The following PCDHGB2 variants were observed in gnomAD, a reference collection of about 807,000 sequenced individuals.
The protein encoded by PCDHGB2 is protocadherin gamma-B2.
In PCDHGB2, 55 loss-of-function variants were observed where a neutral mutation model predicts 59.3. The ratio of observed to expected loss-of-function variants is 0.93; its 90% CI spans 0.75 to 1.16. The LOEUF (loss-of-function observed/expected upper bound fraction) is 1.16. PCDHGB2 is among the 50% of genes most tolerant of loss of function. The probability of loss-of-function intolerance (pLI) is 0.00; values close to 1 mark genes in which losing one functional copy is unlikely to be tolerated. For missense variants in PCDHGB2, 1,228 were observed against 1,198.5 expected (o/e 1.02, Z -0.36); for synonymous variants, 516 against 512.0 (o/e 1.01, Z -0.11).
intron 1 of PCDHGB2, chr5:141,399,778 C>A (rs187080333): frequency 6.2e-7 from 1 of 1,613,250 alleles, no homozygotes; most frequent in African/African-American, 1.3e-5. Context: ...GGTGGGCGAC[C>A]GAAACGACAA....
At chr5:141,371,581 A>G (rs764497164) in intron 1 of PCDHGB2, 3 of 1,613,936 alleles carry the variant, frequency 1.9e-6, no homozygotes, top group East Asian at 2.2e-5. Context: ...AAAATCGTTC[A>G]AGATACCAAA....
rs1032345173 is a variant in PCDHGB2 at position 141,468,852 on chromosome 5, C to T, written c.2422-25955C>T. Among the ~76,000 whole-genome samples the T allele has an allele frequency of 7.2e-5, 11 of 151,868 alleles. No individual in the cohort carries two copies. In the East Asian group the frequency reaches 9.7e-4, roughly 13 times the overall value. On this transcript the variant is annotated intron_variant, in intron 1 of 3. Transcript: ENST00000522605. ...CTGCACTCCAGCCTGGGCAACAGAG[C>T]GAGACTCCATCTCAAAAATAATAAT... is the stretch of plus-strand genomic sequence containing the variant.
intron 1 of PCDHGB2, chr5:141,382,631 T>G: frequency 2.7e-6 from 1 of 365,186 alleles, no homozygotes; most frequent in South Asian, 9.0e-5. Flanking sequence ...TGTGCATCAA[T>G]GTGGTGCAGT....
chr5:141,446,532 A>G (rs1443843436), intron 1 of PCDHGB2, among the ~76,000 whole-genome samples: 1 of 151,788 alleles, frequency 6.6e-6, no homozygotes, highest in Non-Finnish European at 1.5e-5. Flanking sequence ...GCTGGAGTGC[A>G]GTGGCCCTAT....
In PCDHGB2 at chr5:141,402,356, T is replaced by C. The variant is rs183915738; in HGVS notation, c.2421+39800T>C. Among the ~76,000 whole-genome samples, 46 of 152,098 alleles carry C rather than the reference T, an allele frequency of 3.0e-4. 1 individual carries two copies. Among genetic ancestry groups the C allele is most frequent in the African/African-American group, 1.0e-3 (43 of 41,550 alleles). On this transcript the variant is annotated intron_variant, in intron 1 of 3. Coordinates refer to ENST00000522605, the MANE Select transcript of PCDHGB2 (RefSeq NM_018923.3). ...TATAGGTATAAAAATTAAAAATGAA[T>C]GTACTTCCAAACAAGATTGCACATA...
At chr5:141,385,964 C>T (rs1037246180) in intron 1 of PCDHGB2, 2 of 152,126 alleles carry the variant, frequency 1.3e-5, no homozygotes, top group South Asian at 2.1e-4. Context: ...TAAAGGCCAT[C>T]GGACAAAACC....
intron 1 of PCDHGB2, chr5:141,385,668 C>G (rs2090319612): frequency 2.3e-6 from 1 of 428,688 alleles, no homozygotes; most frequent in African/African-American, 2.1e-5. Flanking sequence ...AGGAATAAAA[C>G]ACACCTCAGC....
chr5:141,371,352 G>C lies in PCDHGB2; in HGVS notation c.2421+8796G>C, dbSNP rs1005607515. ...GAGAGATAGCTACACAATTGGGGTG[G>C]AAGCAAAGGATGGTGGACATCACAC... On this transcript the variant is annotated intron_variant, in intron 1 of 3. Coordinates refer to ENST00000522605, the MANE Select transcript of PCDHGB2 (RefSeq NM_018923.3). 1.9e-6 allele frequency: 3 copies of C among 1,613,840 alleles called. No individual in the cohort carries two copies. In the African/African-American group the frequency reaches 4.0e-5, roughly 22 times the overall value.
chr5:141,497,240 GA>G (rs1221446648), intron 2 of PCDHGB2, among the ~76,000 whole-genome samples: 125 of 152,188 alleles, frequency 8.2e-4, no homozygotes, highest in African/African-American at 3.0e-3. Flanking sequence ...AGGCTTCTAG[GA>G]GGAGGTGACA....
At chr5:141,371,504 AAC>A (rs780003626) in intron 1 of PCDHGB2, 7 of 1,613,916 alleles carry the variant, frequency 4.3e-6, no homozygotes, top group Non-Finnish European at 5.9e-6. Context: ...CCCTGATCAA[AAC>A]ACATGATCTA....
intron 1 of PCDHGB2, chr5:141,413,430 C>T (rs745782366): frequency 6.2e-7 from 1 of 1,614,078 alleles, no homozygotes; most frequent in Admixed American, 1.7e-5. Context: ...ACCCGCGCAG[C>T]GGCAGCTTGA....
Position 141,511,159 on chromosome 5 carries a change from AAGG to A in PCDHGB2, c.2785_2787del (p.Glu929del), listed in dbSNP as rs1477173987. 3 of 1,614,186 alleles carry A rather than the reference AAGG, an allele frequency of 1.9e-6. No individual in the cohort carries two copies. The highest frequency in any genetic ancestry group is 2.2e-5 in the East Asian group (1 of 44,872). On this transcript the variant is annotated inframe_deletion, in exon 4 of 4. Coordinates refer to ENST00000522605, the MANE Select transcript of PCDHGB2 (RefSeq NM_018923.3). ...TGGCAACAAGAAGAAGTCGGGCAAG[AAGG>A]AGAAGAAGTAACATGGAGGCCAGGC... is the stretch of plus-strand genomic sequence containing the variant.
chr5:141,455,529 G>A (rs2098825323), intron 1 of PCDHGB2, among the ~76,000 whole-genome samples: 1 of 152,146 alleles, frequency 6.6e-6, no homozygotes, highest in Non-Finnish European at 1.5e-5. Flanking sequence ...GGTTTGACCA[G>A]GCATATCATT....
chr5:141,418,785 T>C, intron 1 of PCDHGB2: 1 of 1,613,862 alleles, frequency 6.2e-7, no homozygotes, highest in African/African-American at 1.3e-5. Flanking sequence ...CCTTTGGATT[T>C]TGAAGAAGTA....
intron 1 of PCDHGB2, among the ~76,000 whole-genome samples, chr5:141,373,529 AG>A (rs1769656388): frequency 6.6e-6 from 1 of 152,196 alleles, no homozygotes; most frequent in African/African-American, 2.4e-5. Context: ...TCTCCAAAAA[AG>A]TGTTTGTGGT....
chr5:141,431,068 A>G lies in PCDHGB2; in HGVS notation c.2422-63739A>G. 2 of 1,614,218 alleles carry G rather than the reference A, an allele frequency of 1.2e-6. No individual in the cohort carries two copies. Among genetic ancestry groups the G allele is most frequent in the South Asian group, 1.1e-5 (1 of 91,088 alleles). On this transcript the variant is annotated intron_variant, in intron 1 of 3. Coordinates refer to ENST00000522605, the MANE Select transcript of PCDHGB2 (RefSeq NM_018923.3). The surrounding 1 kb of genome is among the most constrained non-coding windows in gnomAD (Gnocchi z 4.8). ...TCTGTATGGGGGCCATCAAGTGTCA[A>G]TTAAATCTAGACATTCTGATGGAGG...
chr5:141,462,617 T>C (rs1413543706), intron 1 of PCDHGB2, among the ~76,000 whole-genome samples: 1 of 151,850 alleles, frequency 6.6e-6, no homozygotes, highest in East Asian at 1.9e-4. Context: ...TTTTCACTTT[T>C]AGAAGTTCCA....
In PCDHGB2 at chr5:141,491,357, T is replaced by C; in HGVS notation, c.2422-3450T>C. 6.2e-7 allele frequency: 1 copy of C among 1,614,144 alleles called. No homozygotes were observed. Among genetic ancestry groups the C allele is most frequent in the South Asian group, 1.1e-5 (1 of 91,080 alleles). On this transcript the variant is annotated intron_variant, in intron 1 of 3. Transcript: ENST00000522605. This position sits in a 1 kb window ranked among gnomAD's most constrained non-coding sequence, Gnocchi z 6.9. ...CTAGCGACCGTCAGTCTCTTATCCCTAGTCACCTTCACCTTTCTGTCAGCG... is the reference window on the plus strand; with the variant it reads ...CTAGCGACCGTCAGTCTCTTATCCCCAGTCACCTTCACCTTTCTGTCAGCG...
chr5:141,375,043 A>G, intron 1 of PCDHGB2: 1 of 1,614,056 alleles, frequency 6.2e-7, no homozygotes, highest in Non-Finnish European at 8.5e-7. Context: ...TGGGTGTTGA[A>G]GCCCGGGATG....
Sources: gnomAD v4.1 joint callset for allele counts (sites outside exome capture counted in the v4.1 genomes callset) on GRCh38, gnomAD v4.1.1 for gene constraint, Gnocchi (gnomAD v3.1) non-coding constraint, MANE v1.5 for transcripts, NCBI Gene and HGNC (gene_info 2026-07-23, HGNC 2026-07-21) for gene names.